Variants in BCL6B observed in about 807,000 individuals in gnomAD.
The protein encoded by BCL6B is B-cell CLL/lymphoma 6 member B protein.
BCL6B carries 28 observed loss-of-function variants against 44.6 expected under a neutral mutation model. The ratio of observed to expected loss-of-function variants is 0.63; its 90% CI spans 0.47 to 0.86. BCL6B has a LOEUF of 0.86. BCL6B is among the 40% of genes least tolerant of loss of function. The pLI is 0.00. For missense variants in BCL6B, 626 were observed against 652.3 expected (o/e 0.96, Z 0.44); for synonymous variants, 268 against 263.6 (o/e 1.02, Z -0.16).
rs1291599288 is a variant in BCL6B at position 7,028,364 on chromosome 17, A to G, written c.*745A>G. 1.2e-6 allele frequency: 1 copy of G among 838,774 alleles called. No homozygotes were observed. The highest frequency in any genetic ancestry group is 1.3e-6 in the Non-Finnish European group (1 of 763,958). 52.0% of individuals were successfully genotyped at this position (838,774 alleles called of 1,614,324 possible). A position where few individuals can be genotyped will look rare whatever the true frequency, so the allele number is the denominator to read the frequency against. ...TCTAGCAGTCTAGAAATGGATACAG[A>G]CATTTCTCTGTTCTTCAAGGGTGAT... On this transcript the variant is annotated 3_prime_UTR_variant, in exon 9 of 9. Transcript: ENST00000293805.
rs1274286195 is a variant in BCL6B at position 7,024,451 on chromosome 17, C to T, written c.452C>T (p.Thr151Ile). 1.5e-5 allele frequency: 25 copies of T among 1,612,954 alleles called. No homozygotes were observed. In the Admixed American group the frequency reaches 4.2e-4, roughly 27 times the overall value. ...SLRPLEAEPPTPPTAPPPGSP... is the reference protein window; with the variant it reads ...SLRPLEAEPPIPPTAPPPGSP... ...CGCCCCCTGGAAGCAGAACCCCCAA[C>T]ACCCCCAACGGCCCCTCCACCAGGT... The change falls in exon 4 of 9, where the codon ACA becomes ATA. Residue 151 changes from threonine (T) to isoleucine (I), a missense_variant. Physicochemically the swap from Thr to Ile is moderately conservative, Grantham distance 89 (BLOSUM62 -1). Transcript: ENST00000293805. The surrounding 1 kb of genome is among the most constrained non-coding windows in gnomAD (Gnocchi z 6.6).
Position 7,024,798 on chromosome 17 carries a change from C to T in BCL6B, c.764+35C>T, listed in dbSNP as rs757030130. The T allele has an allele frequency of 1.3e-6, 2 of 1,560,634 alleles. No homozygotes were observed. Among genetic ancestry groups the T allele is most frequent in the Non-Finnish European group, 8.7e-7 (1 of 1,153,696 alleles). Reference sequence around the variant, plus strand: ...CTAGAACCTCAAGAATTTGTCAGAGCTGGCCTCAGCTAGAAGACAGAGTCA... The same window carrying T: ...CTAGAACCTCAAGAATTTGTCAGAGTTGGCCTCAGCTAGAAGACAGAGTCA... On this transcript the variant is annotated intron_variant, in intron 4 of 8. Coordinates refer to ENST00000293805, the MANE Select transcript of BCL6B (RefSeq NM_181844.4). The surrounding 1 kb of genome is among the most constrained non-coding windows in gnomAD (Gnocchi z 6.6).
intron 8 of BCL6B, 118 bp from the exon 9 acceptor site, chr17:7,027,385 C>T: frequency 8.1e-7 from 1 of 1,242,156 alleles, no homozygotes; most frequent in Non-Finnish European, 1.1e-6. Flanking sequence ...ATGTGAGAGT[C>T]AAAGAGCTGA....
rs182907253 is a variant in BCL6B, at chr17:7,028,820, T to C, written c.*1201T>C. 45 of 985,434 alleles carry C rather than the reference T, an allele frequency of 4.6e-5. 1 individual carries two copies. In the Admixed American group the frequency reaches 2.7e-3, roughly 59 times the overall value. 61.0% of individuals were successfully genotyped at this position (985,434 alleles called of 1,614,324 possible). On this transcript the variant is annotated 3_prime_UTR_variant, in exon 9 of 9. Coordinates refer to ENST00000293805, the MANE Select transcript of BCL6B (RefSeq NM_181844.4). Reference sequence around the variant, plus strand: ...TAACCCATCCTTTACTACAGAGGCATATGGGTTTGAATGTTACCTGGGGTT... The same window carrying C: ...TAACCCATCCTTTACTACAGAGGCACATGGGTTTGAATGTTACCTGGGGTT...
In BCL6B at chr17:7,026,568, G is replaced by A. The variant is rs767335738; in HGVS notation, c.1001G>A (p.Arg334Gln). The A allele has an allele frequency of 2.0e-5, 33 of 1,614,090 alleles. No individual in the cohort carries two copies. The South Asian group carries it at 3.2e-4, about 16-fold the overall frequency. The change falls in exon 6 of 9, where the codon CGG becomes CAG. Residue 334 changes from arginine to glutamine, a missense_variant. Transcript: ENST00000293805. ...EDKPYKCQLC[R>Q]SSFRYKGNLA... The stretch of plus-strand genomic sequence containing the variant: ...AAACCCTATAAGTGTCAGCTGTGCC[G>A]GTCTTCGTTCCGCTACAAGGGCAAC...
Position 7,029,056 on chromosome 17 carries a change from G to T in BCL6B, c.*1437G>T. 1 of 985,516 alleles carries T rather than the reference G, an allele frequency of 1.0e-6. No homozygotes were observed. The highest frequency in any genetic ancestry group is 1.2e-6 in the Non-Finnish European group (1 of 829,980). 61.0% of individuals were successfully genotyped at this position (985,516 alleles called of 1,614,324 possible). A position where few individuals can be genotyped will look rare whatever the true frequency, so the allele number is the denominator to read the frequency against. The stretch of plus-strand genomic sequence containing the variant: ...AGAACCTTCCATAGGAAAAGAAAAG[G>T]GGCTGAGTTCCATTCTGGGTTTGCT... On this transcript the variant is annotated 3_prime_UTR_variant, in exon 9 of 9. Transcript: ENST00000293805.
At position 7,024,036 on chromosome 17, in the gene BCL6B, T is replaced by TCC. The variant is rs1258027019; in HGVS notation, c.180-45_180-44dup. On this transcript the variant is annotated intron_variant, in intron 2 of 8. Transcript: ENST00000293805. The surrounding 1 kb of genome is among the most constrained non-coding windows in gnomAD (Gnocchi z 6.6). Reference sequence around the variant, plus strand: ...GGGGCTTCCTGAAGCTGCGCATGTCTCCCTTGGTTCCCCAGCCCCCAAAGG... The same window carrying TCC: ...GGGGCTTCCTGAAGCTGCGCATGTCTCCCCCTTGGTTCCCCAGCCCCCAAAGG... The TCC allele has an allele frequency of 1.9e-6, 3 of 1,591,144 alleles. No homozygotes were observed. The highest frequency in any genetic ancestry group is 2.6e-6 in the Non-Finnish European group (3 of 1,161,642).
chr17:7,026,555 T>C lies in BCL6B; in HGVS notation c.988T>C (p.Cys330Arg). ...VPGDEDKPYK[C>R]QLCRSSFRYK... ...TGGGGACGAAGACAAACCCTATAAGTGTCAGCTGTGCCGGTCTTCGTTCCG... is the reference window on the plus strand; with the variant it reads ...TGGGGACGAAGACAAACCCTATAAGCGTCAGCTGTGCCGGTCTTCGTTCCG... Residue 330 changes from cysteine (C) to arginine (R), a missense_variant, in exon 6 of 9, where the codon TGT (cysteine) becomes CGT (arginine). Transcript: ENST00000293805. 1 of 1,614,200 alleles carries C rather than the reference T, an allele frequency of 6.2e-7. No individual in the cohort carries two copies.
intron 2 of BCL6B, 63 bp downstream of exon 2, chr17:7,023,913 A>T (rs1174449610): frequency 2.5e-6 from 4 of 1,576,308 alleles, no homozygotes; most frequent in African/African-American, 1.4e-5. Flanking sequence ...AGGGCCGTTG[A>T]GAGGGAATCC....
chr17:7,029,348 C>A lies in BCL6B; in HGVS notation c.*1729C>A. On this transcript the variant is annotated 3_prime_UTR_variant, in exon 9 of 9. Transcript: ENST00000293805. ...CCCTGGGGCTTATCTGATTATGGGA[C>A]GAGGGTAGAAAGTAAGAAGCACTTT... 1.0e-6 allele frequency: 1 copy of A among 991,812 alleles called. No individual in the cohort carries two copies. The highest frequency in any genetic ancestry group is 6.1e-5 in the Admixed American group (1 of 16,448). The allele number at this position is 991,812 out of a possible 1,614,324, so 61.4% of individuals were successfully genotyped here.
At chr17:7,026,347 A>G (rs1910285757) in intron 5 of BCL6B, 110 bp from the exon 6 acceptor site, 1 of 1,411,164 alleles carries the variant, frequency 7.1e-7, no homozygotes, top group Non-Finnish European at 9.7e-7. Flanking sequence ...AGAAGTCTTA[A>G]CAATAAATTG....
Position 7,028,818 on chromosome 17 carries a change from C to T in BCL6B, c.*1199C>T. 2 of 985,406 alleles carry T rather than the reference C, an allele frequency of 2.0e-6. No individual in the cohort carries two copies. The highest frequency in any genetic ancestry group is 2.4e-6 in the Non-Finnish European group (2 of 829,920). 61.0% of individuals were successfully genotyped at this position (985,406 alleles called of 1,614,324 possible). ...GTTAACCCATCCTTTACTACAGAGG[C>T]ATATGGGTTTGAATGTTACCTGGGG... On this transcript the variant is annotated 3_prime_UTR_variant, in exon 9 of 9. Coordinates refer to ENST00000293805, the MANE Select transcript of BCL6B (RefSeq NM_181844.4).
rs1053820030 is a variant in BCL6B, at chr17:7,028,667, G to A, written c.*1048G>A. ...CTTAGCACTGAGTTGATCGCTCCAT[G>A]GGGGAGAGATCAGACATTCCTTATC... On this transcript the variant is annotated 3_prime_UTR_variant, in exon 9 of 9. Coordinates refer to ENST00000293805, the MANE Select transcript of BCL6B (RefSeq NM_181844.4). The A allele has an allele frequency of 2.0e-6, 2 of 985,292 alleles. No homozygotes were observed. The highest frequency in any genetic ancestry group is 1.1e-4 in the East Asian group (1 of 8,826). 61.0% of individuals were successfully genotyped at this position (985,292 alleles called of 1,614,324 possible).
intron 2 of BCL6B, 90 bp from the exon 3 acceptor site, chr17:7,023,993 G>A: frequency 1.3e-6 from 2 of 1,535,862 alleles, no homozygotes; most frequent in Non-Finnish European, 1.8e-6. Context: ...GTGAGGAGGC[G>A]GGACTTTTTC....
At chr17:7,023,877 G>GGGGGGGC in intron 2 of BCL6B, 27 bp downstream of exon 2, 1 of 1,555,632 alleles carries the variant, frequency 6.4e-7, no homozygotes, top group Non-Finnish European at 8.8e-7. Flanking sequence ...CTGGGGCGGG[G>GGGGGGGC]CCAAATGGGA....
Position 7,027,095 on chromosome 17 carries a change from C to T in BCL6B, c.1323+8C>T, listed in dbSNP as rs1183048099. On this transcript the variant is annotated splice_region_variant and intron_variant, in intron 8 of 8. Coordinates refer to ENST00000293805, the MANE Select transcript of BCL6B (RefSeq NM_181844.4). ...GGAGAGAAGCCTTACCACGTGGGTA[C>T]CCAACCTGGCCTGCCCACTGCCTTA... 6.8e-6 allele frequency: 11 copies of T among 1,613,704 alleles called. No homozygotes were observed. The highest frequency in any genetic ancestry group is 1.3e-5 in the African/African-American group (1 of 75,042).
At position 7,027,830 on chromosome 17, in the gene BCL6B, A is replaced by C. The variant is rs1389538499; in HGVS notation, c.*211A>C. 2.1e-6 allele frequency: 3 copies of C among 1,414,176 alleles called. No individual in the cohort carries two copies. Among genetic ancestry groups the C allele is most frequent in the African/African-American group, 2.9e-5 (2 of 69,170 alleles). The allele number at this position is 1,414,176 out of a possible 1,614,324, so 87.6% of individuals were successfully genotyped here. A position where few individuals can be genotyped will look rare whatever the true frequency, so the allele number is the denominator to read the frequency against. On this transcript the variant is annotated 3_prime_UTR_variant, in exon 9 of 9. Transcript: ENST00000293805. ...TTGCTGGTCAAAACCTCTTCCCCACAAGCCAGATTGTTTCTGAGGAGAGAG... is the reference window on the plus strand; with the variant it reads ...TTGCTGGTCAAAACCTCTTCCCCACCAGCCAGATTGTTTCTGAGGAGAGAG...
Position 7,028,066 on chromosome 17 carries a change from C to T in BCL6B, c.*447C>T, listed in dbSNP as rs185996576. ...TGACCAGAAACACAGAAGGTGAGAT[C>T]ACAGCTCTGCTGGCAGAGATTACTA... On this transcript the variant is annotated 3_prime_UTR_variant, in exon 9 of 9. Transcript: ENST00000293805. The T allele has an allele frequency of 2.0e-6, 2 of 993,184 alleles. No homozygotes were observed. The highest frequency in any genetic ancestry group is 1.7e-5 in the African/African-American group (1 of 57,494). 61.5% of individuals were successfully genotyped at this position (993,184 alleles called of 1,614,324 possible).
rs745362031 is a variant in BCL6B at position 7,028,017 on chromosome 17, C to T, written c.*398C>T. On this transcript the variant is annotated 3_prime_UTR_variant, in exon 9 of 9. Transcript: ENST00000293805. ...TCATTCGATTGCATTTCCCACTCCC[C>T]TCTTCCACAAGTGTGATTAAAAGTG... The T allele has an allele frequency of 6.2e-5, 63 of 1,018,140 alleles. No homozygotes were observed. The highest frequency in any genetic ancestry group is 4.9e-4 in the Middle Eastern group (1 of 2,044). The allele number at this position is 1,018,140 out of a possible 1,614,324, so 63.1% of individuals were successfully genotyped here.
Sources: allele counts gnomAD v4.1 joint callset, GRCh38; gene constraint gnomAD v4.1.1; non-coding constraint Gnocchi (gnomAD v3.1); transcripts MANE v1.5; gene names NCBI Gene and HGNC (gene_info 2026-07-23, HGNC 2026-07-21).